STAT1: variants seen among roughly 807,000 people sequenced by gnomAD.
STAT1 encodes signal transducer and activator of transcription 1-alpha/beta.
In STAT1, 24 loss-of-function variants were observed where a neutral mutation model predicts 111.7. The ratio of observed to expected loss-of-function variants is 0.21; its 90% confidence interval spans 0.16 to 0.30. The LOEUF (loss-of-function observed/expected upper bound fraction) is 0.30. Among genes scored for constraint, STAT1 ranks in the 10% least tolerant of loss-of-function variants. The pLI is 1.00. For synonymous variants in STAT1, 332 were observed against 326.5 expected, an observed-to-expected ratio of 1.02 and a Z score of -0.18; for missense variants, 351 against 911.9, an observed-to-expected ratio of 0.38 and a Z score of 7.92.
In STAT1 at chr2:190,993,785, T is replaced by C. The variant is rs554878952; in HGVS notation, c.944+1276A>G. 6.6e-6 allele frequency among the ~76,000 whole-genome samples: 1 copy of C among 151,010 alleles called. No individual in the cohort carries two copies. The highest frequency in any genetic ancestry group is 6.6e-5 in the Admixed American group (1 of 15,136). ...AAGTACATTTTTATCATGTCAAGTT[T>C]GCATTAAAAAAAAAAAAACTTGCAA... is the stretch of plus-strand genomic sequence containing the variant. On this transcript the variant is annotated intron_variant, in intron 10 of 24. Transcript: ENST00000361099. The surrounding 1 kb of genome is among the most constrained non-coding windows in gnomAD (Gnocchi z 4.1).
chr2:190,988,435 G>A (rs895302411), intron 12 of STAT1, among the ~76,000 whole-genome samples: 2 of 152,230 alleles, frequency 1.3e-5, no homozygotes, highest in African/African-American at 4.8e-5. Context: ...CTGGAGTGCA[G>A]TGGCATGATC....
chr2:190,980,215 G>A lies in STAT1; in HGVS notation c.1633-349C>T, dbSNP rs1339019832. Among the ~76,000 whole-genome samples, 1 of 152,226 alleles carries A rather than the reference G, an allele frequency of 6.6e-6. No individual in the cohort carries two copies. Among genetic ancestry groups the A allele is most frequent in the African/African-American group, 2.4e-5 (1 of 41,458 alleles). ...CAGTGCAAGCTGGTCCGCACTGTCT[G>A]GTGACTCCAGCAGAATCTAAATGTT... On this transcript the variant is annotated intron_variant, in intron 19 of 24. Transcript: ENST00000361099. The surrounding 1 kb of genome is among the most constrained non-coding windows in gnomAD (Gnocchi z 6.1).
intron 10 of STAT1, chr2:190,992,599 T>C (rs1693459767): frequency 3.0e-5 from 25 of 822,262 alleles, no homozygotes; most frequent in Non-Finnish European, 4.0e-5. Context: ...TGGGTTCAGA[T>C]TGCAAATTTA....
In STAT1 at chr2:190,976,887, A is replaced by G. The variant is rs747656964; in HGVS notation, c.2012T>C (p.Ile671Thr). 3.7e-5 allele frequency: 60 copies of G among 1,614,068 alleles called. No individual in the cohort carries two copies. Among genetic ancestry groups the G allele is most frequent in the Non-Finnish European group, 4.4e-5 (52 of 1,180,036 alleles). ...CTTTCCAAAGGCATGGTCTTTGTCA[A>G]TATTTGGATACAGATACTTCAGGGG... The part of the protein sequence containing the change: ...ENPLKYLYPN[I>T]DKDHAFGKYY... Residue 671 changes from isoleucine (I) to threonine (T), a missense_variant, in exon 22 of 25, where the codon ATT becomes ACT. Physicochemically the swap from Ile to Thr is moderately conservative, Grantham distance 89. This residue lies in a region of STAT1 where 181 missense variants were observed against 426.1 expected (regional missense o/e 0.42). Coordinates refer to ENST00000361099, the MANE Select transcript of STAT1 (RefSeq NM_007315.4). This position sits in a 1 kb window ranked among gnomAD's most constrained non-coding sequence, Gnocchi z 6.0.
At position 190,982,483 on chromosome 2, in the gene STAT1, T is replaced by C. The variant is rs757198467; in HGVS notation, c.1482A>G (p.Arg494=). The C allele has an allele frequency of 1.2e-6, 2 of 1,614,164 alleles. No individual in the cohort carries two copies. The highest frequency in any genetic ancestry group is 1.7e-6 in the Non-Finnish European group (2 of 1,180,012). The change falls in exon 18 of 25, where the codon CGA becomes CGG. Residue 494 remains arginine, a synonymous_variant. Coordinates refer to ENST00000361099, the MANE Select transcript of STAT1 (RefSeq NM_007315.4). The surrounding 1 kb of genome is among the most constrained non-coding windows in gnomAD (Gnocchi z 7.3). ...TCAGCACTTCTGAAAGCTGAGCCCA[T>C]CGTGCACATGGTGGAGTCAGGAAGA... ...LSFFLTPPCA[R]WAQLSEVLSW... is the part of the protein sequence containing the mutation.
At position 190,976,874 on chromosome 2, in the gene STAT1, A is replaced by G. The variant is rs746227009; in HGVS notation, c.2025T>C (p.His675=). 1 of 1,614,190 alleles carries G rather than the reference A, an allele frequency of 6.2e-7. No individual in the cohort carries two copies. Among genetic ancestry groups the G allele is most frequent in the Admixed American group, 1.7e-5 (1 of 60,026 alleles). The change falls in exon 22 of 25, where the codon CAT becomes CAC. Residue 675 remains histidine, a synonymous_variant. Transcript: ENST00000361099. The surrounding 1 kb of genome is among the most constrained non-coding windows in gnomAD (Gnocchi z 6.0). ...GCCTGGAGTAATACTTTCCAAAGGC[A>G]TGGTCTTTGTCAATATTTGGATACA... ...KYLYPNIDKD[H]AFGKYYSRPK... is the part of the protein sequence containing the mutation.
chr2:191,002,277 T>C (rs1694329235), intron 5 of STAT1, among the ~76,000 whole-genome samples: 1 of 152,236 alleles, frequency 6.6e-6, no homozygotes, highest in South Asian at 2.1e-4. Context: ...GAAAAGTCCA[T>C]TATTTTCCCC....
intron 24 of STAT1, among the ~76,000 whole-genome samples, chr2:190,972,654 T>C (rs1574634679): frequency 6.6e-6 from 1 of 152,144 alleles, no homozygotes; most frequent in African/African-American, 2.4e-5. Flanking sequence ...CATTGTGAAG[T>C]CAACCCAATT....
chr2:191,007,644 G>A lies in STAT1; in HGVS notation c.291C>T (p.Asp97=), dbSNP rs1254914086. ...AAATGATCATAGACATCTGGATTGG[G>A]TCTTCCTGAAAATTATCCTAGATTT... ...KRNLQDNFQE[D]PIQMSMIIYS... Residue 97 remains aspartate, a synonymous_variant, in exon 5 of 25, where the codon GAC becomes GAT. Transcript: ENST00000361099. This position sits in a 1 kb window ranked among gnomAD's most constrained non-coding sequence, Gnocchi z 4.2. 4 of 1,613,068 alleles carry A rather than the reference G, an allele frequency of 2.5e-6. No individual in the cohort carries two copies. The highest frequency in any genetic ancestry group is 3.4e-6 in the Non-Finnish European group (4 of 1,179,584).
rs1452695868 is a variant in STAT1 at position 190,995,230 on chromosome 2, A to C, written c.786-11T>G. ...GCAACTATAGTGAACCTGGGAAGAC[A>C]CAAGACACAGATGTCTCTATGAGAA... On this transcript the variant is annotated splice_polypyrimidine_tract_variant and intron_variant, in intron 9 of 24. Transcript: ENST00000361099. The surrounding 1 kb of genome is among the most constrained non-coding windows in gnomAD (Gnocchi z 4.2). The C allele has an allele frequency of 6.2e-7, 1 of 1,613,804 alleles. No individual in the cohort carries two copies. Among genetic ancestry groups the C allele is most frequent in the African/African-American group, 1.3e-5 (1 of 74,906 alleles).
Position 190,975,512 on chromosome 2 carries a change from T to C in STAT1, c.2135+300A>G. 8.3e-7 allele frequency: 1 copy of C among 1,204,584 alleles called. No homozygotes were observed. Among genetic ancestry groups the C allele is most frequent in the Non-Finnish European group, 1.1e-6 (1 of 891,392 alleles). The allele number at this position is 1,204,584 out of a possible 1,614,324, so 74.6% of individuals were successfully genotyped here. A position where few individuals can be genotyped will look rare whatever the true frequency, so the allele number is the denominator to read the frequency against. On this transcript the variant is annotated intron_variant, in intron 23 of 24. Transcript: ENST00000361099. The surrounding 1 kb of genome is among the most constrained non-coding windows in gnomAD (Gnocchi z 5.9). ...ATCATTACTTTGGCCTTTTCTAGAT[T>C]GAAAAGAACTACTTTCCCACTCTGA...
At chr2:191,010,972 GTGGCAATA>G (rs1695072286) in intron 2 of STAT1, among the ~76,000 whole-genome samples, 2 of 152,312 alleles carry the variant, frequency 1.3e-5, no homozygotes, top group South Asian at 4.1e-4. Context: ...CAGCACACAG[GTGGCAATA>G]TGCAGAGCAG....
intron 10 of STAT1, chr2:190,992,677 T>A: frequency 7.8e-7 from 1 of 1,285,700 alleles, no homozygotes; most frequent in Non-Finnish European, 1.0e-6. Context: ...ACCAGAGTGC[T>A]CTGAATTTTA....
intron 4 of STAT1, 54 bp downstream of exon 4, chr2:191,008,909 T>A: frequency 6.3e-7 from 1 of 1,594,566 alleles, no homozygotes; most frequent in East Asian, 2.3e-5. Flanking sequence ...TGAAGAAAAC[T>A]GCCTTCCATA....
In STAT1 at chr2:190,971,242, T is replaced by G. The variant is rs148545766; in HGVS notation, c.2239-525A>C. Among the ~76,000 whole-genome samples, 6 of 152,324 alleles carry G rather than the reference T, an allele frequency of 3.9e-5. No individual in the cohort carries two copies. The highest frequency in any genetic ancestry group is 7.3e-5 in the Non-Finnish European group (5 of 68,028). On this transcript the variant is annotated intron_variant, in intron 24 of 24. Coordinates refer to ENST00000361099, the MANE Select transcript of STAT1 (RefSeq NM_007315.4). This position sits in a 1 kb window ranked among gnomAD's most constrained non-coding sequence, Gnocchi z 4.1. Reference sequence around the variant, plus strand: ...CTGCCTTGACCAGGACAACTTATAGTAAGTAAACTGTTCATCCAAAGGATA... The same window carrying G: ...CTGCCTTGACCAGGACAACTTATAGGAAGTAAACTGTTCATCCAAAGGATA...
Position 190,972,302 on chromosome 2 carries a change from T to C in STAT1, c.2239-1585A>G, listed in dbSNP as rs143505726. 2.6e-5 allele frequency among the ~76,000 whole-genome samples: 4 copies of C among 152,380 alleles called. No individual in the cohort carries two copies. In the East Asian group the frequency reaches 7.7e-4, roughly 29 times the overall value. ...AATAGCTAGTCCTATCATTATGAGCTTTGGCTAAAGGCCTCTTGGAGAGTA... is the reference window on the plus strand; with the variant it reads ...AATAGCTAGTCCTATCATTATGAGCCTTGGCTAAAGGCCTCTTGGAGAGTA... On this transcript the variant is annotated intron_variant, in intron 24 of 24. Transcript: ENST00000361099.
At chr2:191,009,374 A>G (rs1425829708) in intron 3 of STAT1, among the ~76,000 whole-genome samples, 1 of 152,228 alleles carries the variant, frequency 6.6e-6, no homozygotes, top group East Asian at 1.9e-4. Flanking sequence ...GGAAAAGTCA[A>G]CAGGGGACCC....
chr2:190,974,743 C>A lies in STAT1; in HGVS notation c.2238+87G>T. 8.2e-7 allele frequency: 1 copy of A among 1,217,392 alleles called. No individual in the cohort carries two copies. Among genetic ancestry groups the A allele is most frequent in the East Asian group, 2.3e-5 (1 of 42,760 alleles). 75.4% of individuals were successfully genotyped at this position (1,217,392 alleles called of 1,614,324 possible). A position where few individuals can be genotyped will look rare whatever the true frequency, so the allele number is the denominator to read the frequency against. On this transcript the variant is annotated intron_variant, in intron 24 of 24. Coordinates refer to ENST00000361099, the MANE Select transcript of STAT1 (RefSeq NM_007315.4). The surrounding 1 kb of genome is among the most constrained non-coding windows in gnomAD (Gnocchi z 4.8). ...CTCCGCCAGGGCTCCCTCCCGCAGA[C>A]AGGCCCGGGATCTGCCATGGTGCGC...
At chr2:191,001,599 A>C (rs1278651097) in intron 5 of STAT1, among the ~76,000 whole-genome samples, 3 of 152,226 alleles carry the variant, frequency 2.0e-5, no homozygotes, top group African/African-American at 7.2e-5. Flanking sequence ...TAATATGATT[A>C]GGCAATCAGA....
Sources: gnomAD v4.1 joint callset for allele counts (sites outside exome capture counted in the v4.1 genomes callset) on GRCh38, gnomAD v4.1.1 for gene constraint, gnomAD v4.1.1 regional missense constraint, Gnocchi (gnomAD v3.1) non-coding constraint, MANE v1.5 for transcripts, NCBI Gene and HGNC (gene_info 2026-07-23, HGNC 2026-07-21) for gene names.